STIM1: variants seen among roughly 807,000 people sequenced by gnomAD.
The protein encoded by STIM1 is stromal interaction molecule 1.
Under a neutral mutation model 74.7 loss-of-function variants are expected in STIM1, and 25 were observed. The observed-to-expected ratio is 0.33, with a 90% CI of 0.24 to 0.47. The LOEUF is 0.47. Ranked by LOEUF, STIM1 falls within the 20% of genes least tolerant of loss-of-function variation. The pLI is 1.00. For synonymous variants in STIM1, 328 were observed against 348.8 expected (o/e 0.94, Z 0.66); for missense variants, 728 against 920.8 (o/e 0.79, Z 2.71).
intron 1 of STIM1, among the ~76,000 whole-genome samples, chr11:3,864,846 A>G (rs116316223): frequency 0.011 from 1,625 of 152,248 alleles, 22 homozygotes; most frequent in African/African-American, 0.036. Flanking sequence ...CTTATGACCT[A>G]GAGTCTTGTG....
intron 6 of STIM1, among the ~76,000 whole-genome samples, chr11:4,071,011 T>C (rs1397623010): frequency 1.3e-5 from 2 of 152,196 alleles, no homozygotes; most frequent in East Asian, 3.8e-4. Context: ...AGAATGCTAA[T>C]GTCTAGAAAG....
chr11:3,987,729 C>T (rs2093570204), intron 2 of STIM1, among the ~76,000 whole-genome samples: 1 of 152,082 alleles, frequency 6.6e-6, no homozygotes, highest in South Asian at 2.1e-4. Context: ...CCTTCTGGAA[C>T]TCCCAATGCC....
At chr11:4,040,795 C>T (rs2132990036) in intron 3 of STIM1, among the ~76,000 whole-genome samples, 1 of 152,324 alleles carries the variant, frequency 6.6e-6, no homozygotes, top group East Asian at 1.9e-4. Context: ...TAATCTGTCT[C>T]TACTAACCTT....
chr11:3,934,123 C>T (rs943912974), intron 1 of STIM1, among the ~76,000 whole-genome samples: 3 of 151,856 alleles, frequency 2.0e-5, no homozygotes, highest in Non-Finnish European at 2.9e-5. Flanking sequence ...GGGTTGTGTA[C>T]GGGGTGGGAG....
chr11:4,090,946 C>T (rs2094520563), intron 12 of STIM1, among the ~76,000 whole-genome samples: 1 of 146,758 alleles, frequency 6.8e-6, no homozygotes, highest in Non-Finnish European at 1.5e-5. Flanking sequence ...CCTTTCTTGT[C>T]TTTCTCTCTT....
intron 1 of STIM1, among the ~76,000 whole-genome samples, chr11:3,863,220 A>ATGTGTG (rs56737126): frequency 3.7e-4 from 46 of 125,898 alleles, no homozygotes; most frequent in Non-Finnish European, 4.6e-4. Flanking sequence ...GAGACAATGC[A>ATGTGTG]TGTGTGTGTG....
At chr11:3,894,455 G>C (rs1247714260) in intron 1 of STIM1, among the ~76,000 whole-genome samples, 1 of 152,086 alleles carries the variant, frequency 6.6e-6, no homozygotes, top group Non-Finnish European at 1.5e-5. Context: ...AAGTCCCTGG[G>C]GCCTGTGCAG....
intron 3 of STIM1, among the ~76,000 whole-genome samples, chr11:4,044,954 T>C (rs927687538): frequency 6.6e-6 from 1 of 152,150 alleles, no homozygotes; most frequent in African/African-American, 2.4e-5. Context: ...CATCCTGCAA[T>C]GCACAGGACA....
rs1472461019 is a variant in STIM1 at position 4,092,166 on chromosome 11, G to C, written c.*368G>C. 3.0e-6 allele frequency: 1 copy of C among 337,698 alleles called. No homozygotes were observed. The highest frequency in any genetic ancestry group is 5.7e-6 in the Non-Finnish European group (1 of 175,262). 20.9% of individuals were successfully genotyped at this position (337,698 alleles called of 1,614,324 possible). A position where few individuals can be genotyped will look rare whatever the true frequency, so the allele number is the denominator to read the frequency against. On this transcript the variant is annotated 3_prime_UTR_variant, in exon 13 of 13. Coordinates refer to ENST00000526596, the MANE Select transcript of STIM1 (RefSeq NM_001382567.1). The stretch of plus-strand genomic sequence containing the variant: ...TTCTTGTTTCTGTCTCTTGCTTTCG[G>C]GCTCCTCCCTCCCACCACTCCCCAA...
chr11:3,889,559 G>A (rs564645222), intron 1 of STIM1, among the ~76,000 whole-genome samples: 3 of 152,092 alleles, frequency 2.0e-5, no homozygotes, highest in African/African-American at 7.2e-5. Flanking sequence ...TTTTTTAGTA[G>A]AGATGGAGTT....
intron 1 of STIM1, among the ~76,000 whole-genome samples, chr11:3,881,326 T>C (rs906401090): frequency 6.6e-6 from 1 of 152,136 alleles, no homozygotes; most frequent in Non-Finnish European, 1.5e-5. Flanking sequence ...GGATATTTCA[T>C]ATAAATGGAA....
chr11:4,024,808 AT>A, intron 3 of STIM1, among the ~76,000 whole-genome samples: 1 of 152,006 alleles, frequency 6.6e-6, no homozygotes, highest in Non-Finnish European at 1.5e-5. Context: ...TTTCTGGAGC[AT>A]TTCCTTCAGA....
chr11:3,960,858 C>T (rs980060627), intron 1 of STIM1, among the ~76,000 whole-genome samples: 9 of 151,898 alleles, frequency 5.9e-5, no homozygotes, highest in African/African-American at 2.2e-4. Flanking sequence ...ACAATTCTAC[C>T]CTTCTCGAGA....
rs2094496221 is a variant in STIM1 at position 4,086,755 on chromosome 11, G to A, written c.1634+212G>A. The A allele has an allele frequency of 3.9e-6, 6 of 1,537,170 alleles. No homozygotes were observed. The South Asian group carries it at 5.9e-5, about 15-fold the overall frequency. ...CTTCACCACCGTCCATGTCCACCCTGTTTATTACCACCACAGCACTTCCTA... is the reference window on the plus strand; with the variant it reads ...CTTCACCACCGTCCATGTCCACCCTATTTATTACCACCACAGCACTTCCTA... On this transcript the variant is annotated intron_variant, in intron 12 of 12. Coordinates refer to ENST00000526596, the MANE Select transcript of STIM1 (RefSeq NM_001382567.1).
intron 2 of STIM1, among the ~76,000 whole-genome samples, chr11:3,983,407 A>G (rs1263326298): frequency 6.6e-6 from 1 of 152,060 alleles, no homozygotes; most frequent in Non-Finnish European, 1.5e-5. Context: ...AGAGTCCTGG[A>G]GCATTCTCTT....
At chr11:3,916,390 C>T (rs61897162) in intron 1 of STIM1, among the ~76,000 whole-genome samples, 7,256 of 150,936 alleles carry the variant, frequency 0.048, 285 homozygotes, top group East Asian at 0.17. Context: ...TGGGTTCAAG[C>T]GATTCTCCTG....
chr11:3,937,709 A>C (rs2092951950), intron 1 of STIM1, among the ~76,000 whole-genome samples: 1 of 152,078 alleles, frequency 6.6e-6, no homozygotes, highest in Admixed American at 6.5e-5. Context: ...TCAAGTTTAT[A>C]TGTATATAAG....
At chr11:3,976,432 G>T (rs1007052511) in intron 2 of STIM1, among the ~76,000 whole-genome samples, 2 of 152,158 alleles carry the variant, frequency 1.3e-5, no homozygotes, top group African/African-American at 4.8e-5. Context: ...GTTTTTGGGA[G>T]TAATGGCCTA....
chr11:3,956,055 GAA>G (rs2093208843), intron 1 of STIM1, among the ~76,000 whole-genome samples: 1 of 151,598 alleles, frequency 6.6e-6, no homozygotes, highest in African/African-American at 2.4e-5. Flanking sequence ...TACTGGAGAT[GAA>G]ATCAGAAAGA....
Sources: allele counts gnomAD v4.1 joint callset (sites outside exome capture counted in the v4.1 genomes callset), GRCh38; gene constraint gnomAD v4.1.1; transcripts MANE v1.5; gene names NCBI Gene and HGNC (gene_info 2026-07-23, HGNC 2026-07-21).